WDR43: variants seen among roughly 807,000 people sequenced by gnomAD.
The protein encoded by WDR43 is WD repeat domain 43, also known as WD repeat-containing protein 43.
Under a neutral mutation model 91.4 loss-of-function variants are expected in WDR43, and 13 were observed. The ratio of observed to expected loss-of-function variants is 0.14; its 90% confidence interval spans 0.09 to 0.23. The LOEUF (loss-of-function observed/expected upper bound fraction) is 0.23, where lower values mean the gene tolerates loss of function less well. Ranked by LOEUF, WDR43 falls within the 10% of genes least tolerant of loss-of-function variation. WDR43 has a pLI of 1.00. For synonymous variants in WDR43, 331 were observed against 287.9 expected (o/e 1.15, Z -1.51); for missense variants, 780 against 809.4 (o/e 0.96, Z 0.44).
intron 16 of WDR43, among the ~76,000 whole-genome samples, chr2:28,943,312 A>T (rs1056510701): frequency 6.6e-6 from 1 of 151,950 alleles, no homozygotes; most frequent in Non-Finnish European, 1.5e-5. Context: ...TTCTTTTTTT[A>T]AAGGTAGAGA....
intron 3 of WDR43, among the ~76,000 whole-genome samples, chr2:28,908,493 G>A (rs1363023950): frequency 1.3e-5 from 2 of 152,178 alleles, no homozygotes; most frequent in African/African-American, 4.8e-5. Context: ...CTGTGTTACT[G>A]TATTCTGGAT....
intron 12 of WDR43, 81 bp downstream of exon 12, chr2:28,935,688 T>C (rs1193690291): frequency 1.1e-6 from 1 of 913,500 alleles, no homozygotes; most frequent in Non-Finnish European, 1.6e-6. Flanking sequence ...AATGGATTTG[T>C]AATACGTAAG....
chr2:28,920,428 A>G (rs1027405077), intron 6 of WDR43, among the ~76,000 whole-genome samples: 2 of 151,510 alleles, frequency 1.3e-5, no homozygotes, highest in African/African-American at 4.8e-5. Flanking sequence ...GGGTTTTGCC[A>G]TGTTGGGAAG....
At chr2:28,921,724 T>G (rs1434705401) in intron 6 of WDR43, among the ~76,000 whole-genome samples, 1 of 152,112 alleles carries the variant, frequency 6.6e-6, no homozygotes, top group Non-Finnish European at 1.5e-5. Flanking sequence ...TTTCTTTTTC[T>G]TTTTTGAGAT....
intron 1 of WDR43, chr2:28,895,853 T>C (rs115706191): frequency 6.6e-6 from 1 of 152,310 alleles, no homozygotes; most frequent in African/African-American, 2.4e-5. Flanking sequence ...AAACATCAGG[T>C]ATCCTGAGGT....
At chr2:28,918,344 G>C (rs76037165) in intron 6 of WDR43, among the ~76,000 whole-genome samples, 1 of 136,924 alleles carries the variant, frequency 7.3e-6, no homozygotes, top group African/African-American at 2.6e-5. Context: ...GTGTGTGTGT[G>C]TATTTCTTTT....
intron 3 of WDR43, among the ~76,000 whole-genome samples, chr2:28,910,031 G>A (rs1022837702): frequency 1.3e-5 from 2 of 152,192 alleles, no homozygotes; most frequent in African/African-American, 4.8e-5. Flanking sequence ...TTTTCATCTA[G>A]TGCTTCTTAA....
At chr2:28,917,572 T>G (rs956984334) in intron 5 of WDR43, among the ~76,000 whole-genome samples, 1 of 152,210 alleles carries the variant, frequency 6.6e-6, no homozygotes, top group African/African-American at 2.4e-5. Flanking sequence ...CAAGACCTAT[T>G]ATCAAGCGGC....
At chr2:28,916,868 A>G (rs572607137) in intron 5 of WDR43, among the ~76,000 whole-genome samples, 1 of 152,054 alleles carries the variant, frequency 6.6e-6, no homozygotes, top group Non-Finnish European at 1.5e-5. Context: ...AATATATAAA[A>G]CCTTGTTTTA....
chr2:28,910,504 A>G (rs970348880), intron 3 of WDR43, among the ~76,000 whole-genome samples: 11 of 151,644 alleles, frequency 7.3e-5, no homozygotes, highest in African/African-American at 2.4e-4. Flanking sequence ...TTTCCTATGA[A>G]TTGCCTGTTT....
intron 6 of WDR43, among the ~76,000 whole-genome samples, chr2:28,921,034 T>C (rs1267941420): frequency 6.6e-6 from 1 of 152,164 alleles, no homozygotes; most frequent in Non-Finnish European, 1.5e-5. Flanking sequence ...CTTTTAGATT[T>C]AACTTTAGGT....
At chr2:28,907,915 G>A (rs1221375684) in intron 3 of WDR43, among the ~76,000 whole-genome samples, 3 of 125,492 alleles carry the variant, frequency 2.4e-5, no homozygotes, top group Non-Finnish European at 5.3e-5. Flanking sequence ...AAAAAAAAAA[G>A]CCACTGCAGG....
intron 5 of WDR43, among the ~76,000 whole-genome samples, chr2:28,916,093 A>G (rs1406429081): frequency 1.3e-5 from 2 of 152,224 alleles, no homozygotes; most frequent in Non-Finnish European, 2.9e-5. Context: ...TGTAACATAC[A>G]TATACATTGT....
chr2:28,941,714 T>TCAGG, intron 15 of WDR43, 140 bp downstream of exon 15: 1 of 631,588 alleles, frequency 1.6e-6, no homozygotes, highest in African/African-American at 1.8e-5. Flanking sequence ...CACTGCAGCC[T>TCAGG]CGCTCAAGTG....
At chr2:28,940,045 G>A (rs559355242) in intron 14 of WDR43, among the ~76,000 whole-genome samples, 1 of 149,730 alleles carries the variant, frequency 6.7e-6, no homozygotes, top group Admixed American at 6.7e-5. Context: ...CGGGGGGGCA[G>A]AGGTTGCAGT....
At chr2:28,922,799 T>G (rs1045989191) in intron 6 of WDR43, 120 bp from the exon 7 acceptor site, 9 of 269,210 alleles carry the variant, frequency 3.3e-5, no homozygotes, top group South Asian at 2.1e-4. Flanking sequence ...CTTGCTGTGT[T>G]TTTTTTTTTT....
chr2:28,895,101 C>A, intron 1 of WDR43, 178 bp downstream of exon 1: 1 of 541,984 alleles, frequency 1.8e-6, no homozygotes, highest in Non-Finnish European at 2.7e-6. Context: ...CGGCCTGCCG[C>A]GAGGGCAGTG....
At chr2:28,930,029 T>C (rs1490074790) in intron 11 of WDR43, 3 of 497,896 alleles carry the variant, frequency 6.0e-6, no homozygotes, top group Non-Finnish European at 1.2e-5. Context: ...CTCAGCATTC[T>C]AGATCACAAT....
At chr2:28,941,433 A>G (rs1412593211) in intron 14 of WDR43, 28 bp from the exon 15 acceptor site, 3 of 1,555,306 alleles carry the variant, frequency 1.9e-6, no homozygotes, top group Non-Finnish European at 2.6e-6. Context: ...ATACGTTAAT[A>G]GTGCCAAATG....
Sources: allele counts gnomAD v4.1 joint callset (sites outside exome capture counted in the v4.1 genomes callset), GRCh38; gene constraint gnomAD v4.1.1; transcripts MANE v1.5; gene names NCBI Gene and HGNC (gene_info 2026-07-23, HGNC 2026-07-21).